TECTA: variants seen among roughly 807,000 people sequenced by gnomAD.
The protein encoded by TECTA is alpha-tectorin.
In TECTA, 128 loss-of-function variants were observed where a neutral mutation model predicts 216.8. The observed-to-expected ratio is 0.59, with a 90% confidence interval of 0.51 to 0.68. TECTA has a LOEUF of 0.68. Ranked by LOEUF, TECTA falls within the 30% of genes least tolerant of loss-of-function variation. The pLI is 0.00. For missense variants in TECTA, 2,551 were observed against 2,786.2 expected, an observed-to-expected ratio of 0.92 and a Z score of 1.90; for synonymous variants, 1,089 against 1,117.1, an observed-to-expected ratio of 0.97 and a Z score of 0.50.
intron 2 of TECTA, 147 bp downstream of exon 2, chr11:121,102,876 G>A (rs1946359473): frequency 1.3e-6 from 1 of 770,874 alleles, no homozygotes; most frequent in East Asian, 2.5e-5. Context: ...CTATTATCAA[G>A]GGTAAAATTC....
intron 11 of TECTA, 58 bp from the exon 12 acceptor site, chr11:121,145,497 A>C: frequency 6.3e-7 from 1 of 1,581,270 alleles, no homozygotes; most frequent in South Asian, 1.1e-5. Context: ...TCGTTAGGAG[A>C]AGAGCTGGGA....
At position 121,162,167 on chromosome 11, in the gene TECTA, A is replaced by C; in HGVS notation, c.5069A>C (p.Tyr1690Ser). The C allele has an allele frequency of 6.2e-7, 1 of 1,614,184 alleles. No individual in the cohort carries two copies. The highest frequency in any genetic ancestry group is 8.5e-7 in the Non-Finnish European group (1 of 1,180,046). ...VHIQKMQGDG[Y>S]CLKLTDMKGF... is the part of the protein sequence containing the mutation. ...ATCCAGAAGATGCAGGGTGATGGCT[A>C]CTGCCTGAAGCTCACCGACATGAAG... Residue 1690 changes from tyrosine to serine, a missense_variant, in exon 16 of 24, where the codon TAC (tyrosine) becomes TCC (serine). Coordinates refer to ENST00000392793, the MANE Select transcript of TECTA (RefSeq NM_005422.4).
chr11:121,108,506 C>T (rs189334410), intron 3 of TECTA, among the ~76,000 whole-genome samples: 2 of 149,994 alleles, frequency 1.3e-5, no homozygotes, highest in African/African-American at 4.9e-5. Context: ...CACACACTGC[C>T]CACCCCAGTA....
Position 121,190,936 on chromosome 11 carries a change from C to A in TECTA, c.*130C>A. ...CATCTCAAAATGATGCCACCTGCCT[C>A]CAATGGTCCAAGGTCCAGAAACCAG... On this transcript the variant is annotated 3_prime_UTR_variant, in exon 24 of 24. Transcript: ENST00000392793. 1.4e-6 allele frequency: 1 copy of A among 722,332 alleles called. No individual in the cohort carries two copies. Among genetic ancestry groups the A allele is most frequent in the Non-Finnish European group, 2.4e-6 (1 of 419,908 alleles). The allele number at this position is 722,332 out of a possible 1,614,324, so 44.7% of individuals were successfully genotyped here.
rs114470767 is a variant in TECTA, at chr11:121,124,153, G to T, written c.1204-1149G>T. Among the ~76,000 whole-genome samples the T allele has an allele frequency of 4.2e-3, 645 of 152,138 alleles. 6 individuals are homozygous for T. Among genetic ancestry groups the T allele is most frequent in the African/African-American group, 0.014 (598 of 41,514 alleles). ...GACATGAGTTTTACTCATTTATTTT[G>T]CTTGTTGTTGGTCTCCCCAGCTAAA... On this transcript the variant is annotated intron_variant, in intron 7 of 23. Transcript: ENST00000392793.
chr11:121,122,138 A>G (rs1946564195), intron 7 of TECTA, among the ~76,000 whole-genome samples: 1 of 152,050 alleles, frequency 6.6e-6, no homozygotes, highest in African/African-American at 2.4e-5. Context: ...CATTGCTATG[A>G]TCTAAATATT....
intron 13 of TECTA, among the ~76,000 whole-genome samples, chr11:121,154,455 A>G (rs2135116766): frequency 6.6e-6 from 1 of 152,376 alleles, no homozygotes; most frequent in Non-Finnish European, 1.5e-5. Context: ...GAACATGTGG[A>G]AAAAATTAAT....
chr11:121,130,943 G>C (rs1946668242), intron 10 of TECTA, among the ~76,000 whole-genome samples: 1 of 152,024 alleles, frequency 6.6e-6, no homozygotes. Flanking sequence ...GGCCGGGCAT[G>C]GTGGCTCACG....
In TECTA at chr11:121,166,496, A is replaced by G. The variant is rs1448656065; in HGVS notation, c.5384-82A>G. 7.0e-6 allele frequency: 10 copies of G among 1,433,266 alleles called. No individual in the cohort carries two copies. The African/African-American group carries it at 1.1e-4, about 16-fold the overall frequency. The allele number at this position is 1,433,266 out of a possible 1,614,324, so 88.8% of individuals were successfully genotyped here. On this transcript the variant is annotated intron_variant, in intron 17 of 23. Coordinates refer to ENST00000392793, the MANE Select transcript of TECTA (RefSeq NM_005422.4). ...AGGTCATTTGCCTCTTCTAAAGGAG[A>G]ATGGAAATGGGATGCTTTGCTCCCA...
At chr11:121,178,229 A>G (rs999728103) in intron 20 of TECTA, among the ~76,000 whole-genome samples, 1 of 152,178 alleles carries the variant, frequency 6.6e-6, no homozygotes. Flanking sequence ...AGATGAACCC[A>G]GTACCTCAGA....
intron 12 of TECTA, among the ~76,000 whole-genome samples, chr11:121,149,210 C>T (rs941688120): frequency 6.6e-6 from 1 of 152,228 alleles, no homozygotes; most frequent in Non-Finnish European, 1.5e-5. Flanking sequence ...GCTCCTAAGA[C>T]AGTGCTCTCC....
At chr11:121,150,728 C>G (rs960873868) in intron 12 of TECTA, among the ~76,000 whole-genome samples, 1 of 147,862 alleles carries the variant, frequency 6.8e-6, no homozygotes, top group African/African-American at 2.5e-5. Flanking sequence ...TCACTGCAAC[C>G]ACCGCCTCCT....
chr11:121,169,040 A>C, intron 20 of TECTA, 115 bp downstream of exon 20: 1 of 1,519,320 alleles, frequency 6.6e-7, no homozygotes, highest in African/African-American at 1.4e-5. Context: ...CAAGGCCAGA[A>C]TTTTGCATTT....
At chr11:121,170,020 C>G (rs1012244232) in intron 20 of TECTA, among the ~76,000 whole-genome samples, 4 of 152,130 alleles carry the variant, frequency 2.6e-5, no homozygotes, top group Non-Finnish European at 4.4e-5. Context: ...AGCTTCTTTC[C>G]CAGCCTCTGG....
intron 21 of TECTA, 71 bp downstream of exon 21, chr11:121,188,065 G>A (rs1260128770): frequency 1.2e-5 from 19 of 1,547,402 alleles, no homozygotes; most frequent in Non-Finnish European, 1.4e-5. Flanking sequence ...CATGAGGATC[G>A]TGAATGCCAG....
chr11:121,119,966 T>A (rs1201929714), intron 7 of TECTA, among the ~76,000 whole-genome samples: 2 of 152,250 alleles, frequency 1.3e-5, no homozygotes, highest in African/African-American at 4.8e-5. Context: ...CTTTTAAATT[T>A]ATATTGTGCT....
intron 6 of TECTA, among the ~76,000 whole-genome samples, chr11:121,114,123 C>A (rs1160203509): frequency 6.6e-6 from 1 of 152,106 alleles, no homozygotes; most frequent in East Asian, 1.9e-4. Flanking sequence ...GTCTTCTGCA[C>A]TTTGTAGATC....
chr11:121,147,606 G>A (rs971671080), intron 12 of TECTA, among the ~76,000 whole-genome samples: 1 of 152,188 alleles, frequency 6.6e-6, no homozygotes, highest in African/African-American at 2.4e-5. Context: ...GGATTCATTG[G>A]GGGTCATTCC....
chr11:121,165,761 T>C (rs926535577), intron 17 of TECTA, among the ~76,000 whole-genome samples: 1 of 152,194 alleles, frequency 6.6e-6, no homozygotes, highest in African/African-American at 2.4e-5. Flanking sequence ...GTCCTGAAGA[T>C]ATATACAACT....
Sources: gnomAD v4.1 joint callset for allele counts (sites outside exome capture counted in the v4.1 genomes callset) on GRCh38, gnomAD v4.1.1 for gene constraint, MANE v1.5 for transcripts, NCBI Gene and HGNC (gene_info 2026-07-23, HGNC 2026-07-21) for gene names.